GPR149: variants seen among roughly 807,000 people sequenced by gnomAD.
The protein encoded by GPR149 is G protein-coupled receptor 149.
Under a neutral mutation model 50.2 loss-of-function variants are expected in GPR149, and 50 were observed. The ratio of observed to expected loss-of-function variants is 1.00; its 90% CI spans 0.79 to 1.26. The LOEUF (loss-of-function observed/expected upper bound fraction) is 1.26. GPR149 is among the 50% of genes most tolerant of loss of function. The pLI is 0.00. For synonymous variants in GPR149, 405 were observed against 358.2 expected, an observed-to-expected ratio of 1.13 and a Z score of -1.48; for missense variants, 983 against 895.4, an observed-to-expected ratio of 1.10 and a Z score of -1.25.
At chr3:154,384,832 C>G (rs542485159) in intron 3 of GPR149, among the ~76,000 whole-genome samples, 1 of 152,174 alleles carries the variant, frequency 6.6e-6, no homozygotes, top group East Asian at 1.9e-4. Flanking sequence ...ATTCTAACAT[C>G]AGGATGACCA....
rs1715039067 is a variant in GPR149, at chr3:154,386,060, T to G, written c.1623+34979A>C. The stretch of plus-strand genomic sequence containing the variant: ...CTAATGGCTTGTGACAAATATTAGT[T>G]GAATGAATACATTATTAAATACATA... On this transcript the variant is annotated intron_variant, in intron 3 of 3. Coordinates refer to ENST00000389740, the MANE Select transcript of GPR149 (RefSeq NM_001038705.3). Among the ~76,000 whole-genome samples the G allele has an allele frequency of 2.0e-5, 3 of 152,332 alleles. No homozygotes were observed. In the South Asian group the frequency reaches 6.2e-4, roughly 32 times the overall value.
At chr3:154,372,681 A>C (rs1714691933) in intron 3 of GPR149, among the ~76,000 whole-genome samples, 1 of 152,174 alleles carries the variant, frequency 6.6e-6, no homozygotes, top group African/African-American at 2.4e-5. Context: ...GGTCATGGAG[A>C]GAGAATGGTG....
intron 3 of GPR149, among the ~76,000 whole-genome samples, chr3:154,360,638 T>C (rs1300732465): frequency 1.3e-5 from 2 of 152,208 alleles, no homozygotes; most frequent in Admixed American, 6.5e-5. Flanking sequence ...ATTCATTCAC[T>C]ATATTTTTAT....
intron 3 of GPR149, among the ~76,000 whole-genome samples, chr3:154,368,928 G>A (rs1313192332): frequency 6.6e-6 from 1 of 152,228 alleles, no homozygotes; most frequent in Non-Finnish European, 1.5e-5. Context: ...TGCATTGGCA[G>A]AAGGATCACA....
chr3:154,390,724 A>C (rs1715149104), intron 3 of GPR149, among the ~76,000 whole-genome samples: 2 of 152,156 alleles, frequency 1.3e-5, no homozygotes, highest in South Asian at 4.1e-4. Flanking sequence ...ATGTTCCACA[A>C]ATTCAAATAG....
intron 3 of GPR149, among the ~76,000 whole-genome samples, chr3:154,411,548 T>C (rs1380997382): frequency 2.0e-5 from 3 of 151,990 alleles, no homozygotes. Flanking sequence ...ATACAGAAGA[T>C]TATTCAAGGC....
chr3:154,388,329 C>T (rs1715092924), intron 3 of GPR149, among the ~76,000 whole-genome samples: 1 of 151,940 alleles, frequency 6.6e-6, no homozygotes, highest in Admixed American at 6.6e-5. Context: ...CACACACACC[C>T]TTATGGACTG....
At chr3:154,363,799 C>T (rs1246147176) in intron 3 of GPR149, among the ~76,000 whole-genome samples, 13 of 152,150 alleles carry the variant, frequency 8.5e-5, no homozygotes, top group Admixed American at 6.5e-4. Context: ...GACAAATCAG[C>T]GTGCATTCCC....
chr3:154,412,658 C>G (rs1207654925), intron 3 of GPR149, among the ~76,000 whole-genome samples: 4 of 152,066 alleles, frequency 2.6e-5, no homozygotes, highest in Admixed American at 1.3e-4. Flanking sequence ...ATAGATGACA[C>G]AAGCAAATGG....
chr3:154,408,143 A>G (rs938852138), intron 3 of GPR149, among the ~76,000 whole-genome samples: 9 of 152,208 alleles, frequency 5.9e-5, no homozygotes, highest in Admixed American at 5.9e-4. Context: ...TCCTTACAGT[A>G]GAATTCCTAT....
chr3:154,353,686 A>G, intron 3 of GPR149: 1 of 1,319,896 alleles, frequency 7.6e-7, no homozygotes, highest in South Asian at 1.2e-5. Context: ...GCTGGAGCCA[A>G]AACAAGTACC....
chr3:154,373,218 T>G (rs1272936325), intron 3 of GPR149, among the ~76,000 whole-genome samples: 1 of 152,060 alleles, frequency 6.6e-6, no homozygotes, highest in East Asian at 1.9e-4. Flanking sequence ...TTGTCAGGAA[T>G]GTGTCATGTC....
chr3:154,344,965 A>G (rs1341905509), intron 3 of GPR149, among the ~76,000 whole-genome samples: 1 of 152,252 alleles, frequency 6.6e-6, no homozygotes, highest in Non-Finnish European at 1.5e-5. Flanking sequence ...CTTATTTTTA[A>G]AAGTCCTGCA....
At chr3:154,356,263 A>T (rs1714221242) in intron 3 of GPR149, among the ~76,000 whole-genome samples, 2 of 152,288 alleles carry the variant, frequency 1.3e-5, no homozygotes, top group South Asian at 4.1e-4. Context: ...ATTTATGAAG[A>T]TAAGAGGTTT....
At chr3:154,400,141 T>C (rs9813060) in intron 3 of GPR149, among the ~76,000 whole-genome samples, 36,289 of 151,080 alleles carry the variant, frequency 0.24, 4,608 homozygotes, top group South Asian at 0.32. Flanking sequence ...CGCCCGCCAC[T>C]GCGCCCGGCT....
At chr3:154,354,955 C>T (rs886882679) in intron 3 of GPR149, among the ~76,000 whole-genome samples, 2 of 152,128 alleles carry the variant, frequency 1.3e-5, no homozygotes, top group African/African-American at 2.4e-5. Flanking sequence ...CTGCATGAAA[C>T]CTCATTTTAC....
At chr3:154,396,075 G>A (rs978628996) in intron 3 of GPR149, among the ~76,000 whole-genome samples, 4 of 152,090 alleles carry the variant, frequency 2.6e-5, no homozygotes, top group East Asian at 3.9e-4. Context: ...TTTTTTTAAC[G>A]TTGCCTAGCT....
At chr3:154,358,229 A>G (rs1343679143) in intron 3 of GPR149, among the ~76,000 whole-genome samples, 1 of 152,180 alleles carries the variant, frequency 6.6e-6, no homozygotes, top group Non-Finnish European at 1.5e-5. Flanking sequence ...AACATGTCAC[A>G]TGTATACATA....
chr3:154,356,132 G>T (rs922194638), intron 3 of GPR149, among the ~76,000 whole-genome samples: 1 of 152,182 alleles, frequency 6.6e-6, no homozygotes, highest in Admixed American at 6.5e-5. Flanking sequence ...GATTTATGGT[G>T]ATGTTTGTAC....
Sources: gnomAD v4.1 joint callset for allele counts (sites outside exome capture counted in the v4.1 genomes callset) on GRCh38, gnomAD v4.1.1 for gene constraint, MANE v1.5 for transcripts, NCBI Gene and HGNC (gene_info 2026-07-23, HGNC 2026-07-21) for gene names.